The following SLC24A3 variants were observed in gnomAD, a reference collection of about 807,000 sequenced individuals.
SLC24A3 encodes sodium/potassium/calcium exchanger 3.
Under a neutral mutation model 75.8 loss-of-function variants are expected in SLC24A3, and 28 were observed. The ratio of observed to expected loss-of-function variants is 0.37; its 90% CI spans 0.27 to 0.51. SLC24A3 has a LOEUF of 0.51. Ranked by LOEUF, SLC24A3 falls within the 20% of genes least tolerant of loss-of-function variation. SLC24A3 has a pLI of 0.94. For missense variants in SLC24A3, 663 were observed against 847.8 expected (o/e 0.78, Z 2.71); for synonymous variants, 372 against 334.1 (o/e 1.11, Z -1.24).
intron 2 of SLC24A3, among the ~76,000 whole-genome samples, chr20:19,514,861 A>G (rs576568769): frequency 6.6e-6 from 1 of 152,256 alleles, no homozygotes; most frequent in East Asian, 1.9e-4. Context: ...AGGGGAGCAG[A>G]GGGAGGGAGC....
intron 15 of SLC24A3, among the ~76,000 whole-genome samples, chr20:19,714,405 TA>T (rs1176209950): frequency 0.19 from 9,453 of 50,776 alleles, 341 homozygotes; most frequent in African/African-American, 0.25. Flanking sequence ...ACCCAGTCTC[TA>T]AAAAAAAAAA....
chr20:19,331,877 A>T (rs1985007997), intron 2 of SLC24A3, among the ~76,000 whole-genome samples: 1 of 152,180 alleles, frequency 6.6e-6, no homozygotes, highest in Non-Finnish European at 1.5e-5. Context: ...ATGGGGGTCG[A>T]TGGGAGGCGT....
chr20:19,372,566 A>G (rs1387669696), intron 2 of SLC24A3, among the ~76,000 whole-genome samples: 1 of 152,222 alleles, frequency 6.6e-6, no homozygotes, highest in Non-Finnish European at 1.5e-5. Flanking sequence ...ATTGCTTCCT[A>G]TGAAAATGGT....
At chr20:19,543,999 C>T (rs960708726) in intron 3 of SLC24A3, among the ~76,000 whole-genome samples, 1 of 152,260 alleles carries the variant, frequency 6.6e-6, no homozygotes, top group South Asian at 2.1e-4. Context: ...TCTTCTTTGT[C>T]AGGTGAAGAG....
intron 2 of SLC24A3, among the ~76,000 whole-genome samples, chr20:19,334,769 A>T (rs1451715308): frequency 1.3e-5 from 2 of 152,190 alleles, no homozygotes; most frequent in African/African-American, 4.8e-5. Context: ...GCCAGGAAAC[A>T]TGGACGCTGG....
At chr20:19,244,484 A>C (rs901359616) in intron 1 of SLC24A3, among the ~76,000 whole-genome samples, 1 of 152,146 alleles carries the variant, frequency 6.6e-6, no homozygotes, top group African/African-American at 2.4e-5. Context: ...AGAATTTACC[A>C]GGCAAAGTCC....
chr20:19,678,363 C>T (rs1325867485), intron 9 of SLC24A3, among the ~76,000 whole-genome samples: 7 of 119,784 alleles, frequency 5.8e-5, no homozygotes, highest in South Asian at 2.5e-4. Context: ...CCCTCCCGGA[C>T]GGGGCGGCTG....
intron 12 of SLC24A3, among the ~76,000 whole-genome samples, chr20:19,687,423 A>G (rs6046244): frequency 0.16 from 24,582 of 152,178 alleles, 2,130 homozygotes; most frequent in African/African-American, 0.18. Context: ...ACACAGCAGA[A>G]TCACGAGGCT....
At chr20:19,714,615 A>G (rs924116271) in intron 15 of SLC24A3, among the ~76,000 whole-genome samples, 4 of 152,152 alleles carry the variant, frequency 2.6e-5, no homozygotes, top group Non-Finnish European at 5.9e-5. Flanking sequence ...GTCTCTAACA[A>G]TGAAAACACA....
At chr20:19,371,637 A>G (rs534109050) in intron 2 of SLC24A3, among the ~76,000 whole-genome samples, 2 of 152,232 alleles carry the variant, frequency 1.3e-5, no homozygotes, top group East Asian at 3.9e-4. Flanking sequence ...CACTCTCCAT[A>G]TGGCGGAAAG....
intron 2 of SLC24A3, among the ~76,000 whole-genome samples, chr20:19,430,930 G>A (rs528945403): frequency 6.6e-6 from 1 of 152,060 alleles, no homozygotes; most frequent in South Asian, 2.1e-4. Context: ...CTTTGAAGTT[G>A]TTGATGACTT....
At chr20:19,432,189 A>G (rs1348644735) in intron 2 of SLC24A3, among the ~76,000 whole-genome samples, 4 of 151,462 alleles carry the variant, frequency 2.6e-5, no homozygotes, top group South Asian at 2.1e-4. Context: ...GCAAAAGCCA[A>G]CCCCCAATGC....
chr20:19,356,916 G>A (rs1038414809), intron 2 of SLC24A3, among the ~76,000 whole-genome samples: 1 of 152,016 alleles, frequency 6.6e-6, no homozygotes, highest in Non-Finnish European at 1.5e-5. Flanking sequence ...TTTCAATGTG[G>A]TTTTAATTTG....
chr20:19,259,771 G>A (rs562502279), intron 1 of SLC24A3, among the ~76,000 whole-genome samples: 3 of 152,174 alleles, frequency 2.0e-5, no homozygotes, highest in South Asian at 2.1e-4. Flanking sequence ...ACAATTAGAC[G>A]GTGAACATTC....
chr20:19,257,998 GCTT>G (rs1400981048), intron 1 of SLC24A3, among the ~76,000 whole-genome samples: 2 of 152,218 alleles, frequency 1.3e-5, no homozygotes, highest in East Asian at 3.8e-4. Context: ...CAGCTCACCT[GCTT>G]CTTAAAGGCT....
intron 3 of SLC24A3, among the ~76,000 whole-genome samples, chr20:19,528,311 C>T (rs1208964313): frequency 6.6e-6 from 1 of 152,158 alleles, no homozygotes; most frequent in East Asian, 1.9e-4. Flanking sequence ...GCCATCAGCG[C>T]TCCCACTCAC....
At chr20:19,278,777 GA>G (rs1160814050) in intron 1 of SLC24A3, among the ~76,000 whole-genome samples, 7 of 152,108 alleles carry the variant, frequency 4.6e-5, no homozygotes, top group Admixed American at 2.6e-4. Context: ...ATTTTTTGGG[GA>G]AAAAAACCTG....
At chr20:19,461,548 T>G (rs1987675777) in intron 2 of SLC24A3, among the ~76,000 whole-genome samples, 1 of 145,040 alleles carries the variant, frequency 6.9e-6, no homozygotes. Flanking sequence ...TTTTTTTTTT[T>G]TTGAGGTGGA....
intron 2 of SLC24A3, among the ~76,000 whole-genome samples, chr20:19,308,837 C>G (rs1984389623): frequency 6.6e-6 from 1 of 152,180 alleles, no homozygotes; most frequent in Non-Finnish European, 1.5e-5. Context: ...CATCTAGGAA[C>G]TCGACAAATG....
Sources: gnomAD v4.1 joint callset for allele counts (sites outside exome capture counted in the v4.1 genomes callset) on GRCh38, gnomAD v4.1.1 for gene constraint, MANE v1.5 for transcripts, NCBI Gene and HGNC (gene_info 2026-07-23, HGNC 2026-07-21) for gene names.